Variants in PHF20L1 observed in about 807,000 individuals in gnomAD.
The protein encoded by PHF20L1 is PHD finger protein 20 like 1, also known as PHD finger protein 20-like protein 1.
Under a neutral mutation model 125.5 loss-of-function variants are expected in PHF20L1, and 44 were observed. That is an observed-to-expected ratio of 0.35 (90% CI 0.28 to 0.45). PHF20L1 has a LOEUF of 0.45. PHF20L1 is among the 20% of genes least tolerant of loss of function. The probability of loss-of-function intolerance (pLI) is 1.00; values close to 1 mark genes in which losing one functional copy is unlikely to be tolerated. For synonymous variants in PHF20L1, 380 were observed against 403.1 expected, an observed-to-expected ratio of 0.94 and a Z score of 0.69; for missense variants, 1,012 against 1,217.2, an observed-to-expected ratio of 0.83 and a Z score of 2.51.
chr8:132,803,349 G>A (rs1242733305), intron 6 of PHF20L1, among the ~76,000 whole-genome samples: 1 of 151,844 alleles, frequency 6.6e-6, no homozygotes, highest in African/African-American at 2.4e-5. Context: ...TGGTACATTT[G>A]TCCTAATAAG....
intron 2 of PHF20L1, among the ~76,000 whole-genome samples, chr8:132,790,821 C>CAAGTT (rs1831605744): frequency 6.6e-6 from 1 of 152,150 alleles, no homozygotes; most frequent in Non-Finnish European, 1.5e-5. Context: ...CCTAGCAAGT[C>CAAGTT]TAACTTAAGT....
At chr8:132,796,366 A>G (rs965827184) in intron 4 of PHF20L1, among the ~76,000 whole-genome samples, 1 of 152,050 alleles carries the variant, frequency 6.6e-6, no homozygotes, top group African/African-American at 2.4e-5. Context: ...AGGTGATGGG[A>G]GCCATGGAAG....
At chr8:132,816,675 A>G in intron 10 of PHF20L1, 1 of 468,790 alleles carries the variant, frequency 2.1e-6, no homozygotes, top group Non-Finnish European at 3.8e-6. Context: ...TAGTTCTAGT[A>G]GAGTGTAGAT....
intron 15 of PHF20L1, chr8:132,836,288 A>T (rs1837350621): frequency 3.6e-6 from 1 of 275,422 alleles, no homozygotes; most frequent in African/African-American, 2.2e-5. Flanking sequence ...TGTAAGCATG[A>T]AGTCTAAAAG....
rs185361147 is a variant in PHF20L1, at chr8:132,798,842, C to G, written c.411C>G (p.Pro137=). The stretch of plus-strand genomic sequence containing the variant: ...AAAGAATGCACATTAAAGCCATGCC[C>G]GAGGATGCTAAGGGGCAGGTAAGAG... ...CLKRMHIKAM[P]EDAKGQVKSQ... is the part of the protein sequence containing the mutation. Residue 137 remains proline (P), a synonymous_variant, in exon 5 of 21, where the codon CCC becomes CCG. Coordinates refer to ENST00000395386, the MANE Select transcript of PHF20L1 (RefSeq NM_016018.5). 4 of 1,607,532 alleles carry G rather than the reference C, an allele frequency of 2.5e-6. No individual in the cohort carries two copies. In the South Asian group the frequency reaches 3.3e-5, roughly 13 times the overall value.
At chr8:132,843,422 T>C (rs1400504010) in intron 19 of PHF20L1, 1 of 980,620 alleles carries the variant, frequency 1.0e-6, no homozygotes, top group Non-Finnish European at 1.2e-6. Context: ...GATTTTCAAT[T>C]AATGAGGCCA....
chr8:132,823,169 T>G (rs1365760972), intron 12 of PHF20L1, among the ~76,000 whole-genome samples: 2 of 151,988 alleles, frequency 1.3e-5, no homozygotes, highest in African/African-American at 4.8e-5. Flanking sequence ...TATTTTACAT[T>G]TATATATAGA....
chr8:132,778,357 A>G (rs750541876), intron 2 of PHF20L1, among the ~76,000 whole-genome samples: 1 of 152,150 alleles, frequency 6.6e-6, no homozygotes, highest in Non-Finnish European at 1.5e-5. Flanking sequence ...GCATTTTTTC[A>G]TAGTGAACAC....
intron 15 of PHF20L1, among the ~76,000 whole-genome samples, chr8:132,835,386 A>G (rs536062324): frequency 1.3e-5 from 2 of 152,240 alleles, no homozygotes; most frequent in South Asian, 2.1e-4. Flanking sequence ...TCTGTTTCTC[A>G]TGATGACTCA....
At chr8:132,842,967 T>A in intron 19 of PHF20L1, 92 bp downstream of exon 19, 1 of 1,469,322 alleles carries the variant, frequency 6.8e-7, no homozygotes, top group East Asian at 2.3e-5. Flanking sequence ...TCCCAGATTT[T>A]AGTTGTATTT....
At position 132,832,298 on chromosome 8, in the gene PHF20L1, G is replaced by A. The variant is rs184113048; in HGVS notation, c.1808G>A (p.Arg603Gln). 6.8e-3 allele frequency: 10,872 copies of A among 1,608,208 alleles called. 67 individuals are homozygous for A. Among genetic ancestry groups the A allele is most frequent in the Middle Eastern group, 7.5e-3 (45 of 6,040 alleles). The change falls in exon 15 of 21, where the codon CGA becomes CAA. Residue 603 changes from arginine (R) to glutamine (Q), a missense_variant. Physicochemically the swap from Arg to Gln is conservative, Grantham distance 43. Transcript: ENST00000395386. ...GAAAGGTGCTCTTCTCCACTAACTC[G>A]ATCTTCTGGGAGTTCTCTGGCTTCA... Reference protein sequence around the residue: ...FLERCSSPLTRSSGSSLASRS... With the variant: ...FLERCSSPLTQSSGSSLASRS...
At chr8:132,831,688 C>T (rs1431972302) in intron 14 of PHF20L1, among the ~76,000 whole-genome samples, 1 of 151,712 alleles carries the variant, frequency 6.6e-6, no homozygotes, top group Non-Finnish European at 1.5e-5. Context: ...ACCTCAATTA[C>T]TTTTGCACCA....
chr8:132,838,114 T>TAAA (rs1379525103), intron 17 of PHF20L1: 4 of 205,264 alleles, frequency 1.9e-5, no homozygotes, highest in African/African-American at 6.8e-5. Context: ...TCAACTTCCG[T>TAAA]ATTAAAATTT....
chr8:132,794,914 G>A (rs1287839804), intron 4 of PHF20L1, 97 bp downstream of exon 4: 11 of 716,348 alleles, frequency 1.5e-5, no homozygotes, highest in Non-Finnish European at 2.6e-5. Context: ...TAATCATTAC[G>A]TATAACTTTT....
intron 8 of PHF20L1, chr8:132,808,837 C>G: frequency 7.6e-6 from 1 of 131,774 alleles, no homozygotes; most frequent in South Asian, 2.4e-4. Context: ...TTTTTTAAAT[C>G]TCAAACTGGG....
Position 132,825,000 on chromosome 8 carries a change from T to G in PHF20L1, c.1637-264T>G, listed in dbSNP as rs755155285. The stretch of plus-strand genomic sequence containing the variant: ...TCAGGAAATTGAGAATATTACTCAT[T>G]GAAGGTTTTAACTACTGTCTGTGTT... On this transcript the variant is annotated intron_variant, in intron 13 of 20. Coordinates refer to ENST00000395386, the MANE Select transcript of PHF20L1 (RefSeq NM_016018.5). The G allele has an allele frequency of 1.8e-4, 254 of 1,387,732 alleles. 4 individuals carry two copies. The highest frequency in any genetic ancestry group is 1.3e-5 in the Non-Finnish European group (13 of 1,033,280). 86.0% of individuals were successfully genotyped at this position (1,387,732 alleles called of 1,614,324 possible). A position where few individuals can be genotyped will look rare whatever the true frequency, so the allele number is the denominator to read the frequency against.
chr8:132,814,457 C>T (rs958475501), intron 9 of PHF20L1, among the ~76,000 whole-genome samples, 180 bp from the exon 10 acceptor site: 1 of 151,800 alleles, frequency 6.6e-6, no homozygotes, highest in African/African-American at 2.4e-5. Flanking sequence ...TAAAGACAGC[C>T]TATTCAACTT....
chr8:132,814,152 T>A (rs1834706769), intron 9 of PHF20L1, among the ~76,000 whole-genome samples: 2 of 151,948 alleles, frequency 1.3e-5, no homozygotes, highest in Admixed American at 6.6e-5. Context: ...CCTGTTCAGA[T>A]CTTTCTTTAA....
At chr8:132,791,425 G>C (rs1035391261) in intron 2 of PHF20L1, among the ~76,000 whole-genome samples, 1 of 151,846 alleles carries the variant, frequency 6.6e-6, no homozygotes, top group Admixed American at 6.6e-5. Flanking sequence ...GGCAAATTTT[G>C]TTATTTTACT....
Sources: allele counts gnomAD v4.1 joint callset (sites outside exome capture counted in the v4.1 genomes callset), GRCh38; gene constraint gnomAD v4.1.1; transcripts MANE v1.5; gene names NCBI Gene and HGNC (gene_info 2026-07-23, HGNC 2026-07-21).